The following HHLA1 variants were observed in gnomAD, a reference collection of about 807,000 sequenced individuals.
HHLA1 encodes the protein HHLA1 neighbor of OC90.
A neutral mutation model predicts 69.9 loss-of-function variants in HHLA1; 72 were observed. That is an observed-to-expected ratio of 1.03 (90% CI 0.85 to 1.25). The LOEUF (loss-of-function observed/expected upper bound fraction) is 1.25. Ranked by LOEUF, HHLA1 falls within the 50% of genes most tolerant of loss-of-function variation. HHLA1 has a pLI of 0.00. For missense variants in HHLA1, 685 were observed against 642.2 expected, an observed-to-expected ratio of 1.07 and a Z score of -0.72; for synonymous variants, 252 against 233.2, an observed-to-expected ratio of 1.08 and a Z score of -0.73.
At chr8:132,070,170 C>T (rs1406301381) in intron 15 of HHLA1, 1 of 569,540 alleles carries the variant, frequency 1.8e-6, no homozygotes, top group Non-Finnish European at 3.1e-6. Flanking sequence ...AGATTGGTAT[C>T]CAGGCCACTG....
At chr8:132,090,688 T>C (rs540037210) in intron 7 of HHLA1, among the ~76,000 whole-genome samples, 2 of 151,796 alleles carry the variant, frequency 1.3e-5, no homozygotes, top group African/African-American at 2.4e-5. Context: ...GTATGTAGTA[T>C]ACCTATGCAG....
intron 7 of HHLA1, among the ~76,000 whole-genome samples, chr8:132,091,082 C>G (rs1823939681): frequency 1.3e-5 from 2 of 152,130 alleles, no homozygotes; most frequent in South Asian, 4.1e-4. Context: ...GGTATTATCT[C>G]TTAGTTATTC....
chr8:132,071,954 A>C (rs1389743132), intron 14 of HHLA1, among the ~76,000 whole-genome samples: 1 of 152,002 alleles, frequency 6.6e-6, no homozygotes, highest in Non-Finnish European at 1.5e-5. Context: ...ATGTATGTGC[A>C]TGCATGTGAG....
At chr8:132,103,335 C>T (rs192539463) in intron 3 of HHLA1, among the ~76,000 whole-genome samples, 6 of 152,098 alleles carry the variant, frequency 3.9e-5, no homozygotes, top group Non-Finnish European at 2.9e-5. Context: ...ATATAAAAAT[C>T]GTCCAGGTCT....
intron 2 of HHLA1, among the ~76,000 whole-genome samples, chr8:132,104,381 C>T (rs895299941): frequency 5.9e-5 from 9 of 151,964 alleles, no homozygotes; most frequent in East Asian, 1.9e-4. Context: ...TATTGAGTGC[C>T]GAGTGTTTGC....
At chr8:132,087,483 C>A (rs1001162068) in intron 10 of HHLA1, among the ~76,000 whole-genome samples, 170 bp downstream of exon 10, 2 of 152,084 alleles carry the variant, frequency 1.3e-5, no homozygotes, top group African/African-American at 4.8e-5. Context: ...AATTGCCAGA[C>A]CTTTTGCAAG....
At chr8:132,092,258 A>G (rs940364732) in intron 7 of HHLA1, among the ~76,000 whole-genome samples, 1 of 152,240 alleles carries the variant, frequency 6.6e-6, no homozygotes, top group South Asian at 2.1e-4. Context: ...AGCAACGACT[A>G]TAATTTCAAG....
chr8:132,094,229 C>A (rs1823986580), intron 7 of HHLA1, among the ~76,000 whole-genome samples: 1 of 152,094 alleles, frequency 6.6e-6, no homozygotes. Flanking sequence ...GTACAAGAGG[C>A]TTTGGTTGCC....
intron 10 of HHLA1, chr8:132,081,193 A>C (rs1271584496): frequency 1.3e-5 from 2 of 152,202 alleles, no homozygotes; most frequent in Non-Finnish European, 2.9e-5. Context: ...AGAGCAGGGC[A>C]TGTATGAGTA....
At chr8:132,079,671 G>A in intron 11 of HHLA1, 47 bp downstream of exon 11, 6 of 1,489,178 alleles carry the variant, frequency 4.0e-6, no homozygotes, top group Non-Finnish European at 5.4e-6. Context: ...AGAGGTAACA[G>A]GAGCGAGACA....
intron 15 of HHLA1, chr8:132,070,011 C>CAGGGGGGGGGGG (rs1823503779): frequency 4.1e-5 from 1 of 24,158 alleles, no homozygotes; most frequent in Admixed American, 4.5e-4. Flanking sequence ...TTCGTACTGA[C>CAGGGGGGGGGGG]GGGGGGGGGG....
At chr8:132,081,581 T>G (rs1016085865) in intron 10 of HHLA1, among the ~76,000 whole-genome samples, 31 of 152,168 alleles carry the variant, frequency 2.0e-4, no homozygotes, top group Admixed American at 3.9e-4. Context: ...TGTATTGAGG[T>G]GGGAAGGCTT....
rs879478994 is a variant in HHLA1, at chr8:132,077,833, G to A, written c.1064C>T (p.Pro355Leu). The change falls in exon 12 of 17, where the codon CCG (proline) becomes CTG (leucine). Residue 355 changes from proline to leucine, a missense_variant. Transcript: ENST00000414222. ...GSLWETRSSPPTTAGTEEAMN... is the reference protein window; with the variant it reads ...GSLWETRSSPLTTAGTEEAMN... ...GGCTTCCTCGGTCCCTGCAGTAGTC[G>A]GTGGGGAAGAACGAGTTTCCCAGAG... is the stretch of plus-strand genomic sequence containing the variant. 2.3e-5 allele frequency: 35 copies of A among 1,551,406 alleles called. No individual in the cohort carries two copies. The highest frequency in any genetic ancestry group is 5.9e-5 in the South Asian group (5 of 84,048).
In HHLA1 at chr8:132,089,568, G is replaced by T; in HGVS notation, c.480C>A (p.Gly160=). ...TCTCTGTGAGGTAGCTGGTAGAATT[G>T]CCGATGATATCTACCAGTAGAGCTG... The part of the protein sequence containing the change: ...DFTALLVDII[G]NSTSYLTEIF... The change falls in exon 8 of 17, where the codon GGC becomes GGA. Residue 160 remains glycine, a synonymous_variant. Coordinates refer to ENST00000414222, the MANE Select transcript of HHLA1 (RefSeq NM_001145095.3). The T allele has an allele frequency of 6.6e-7, 1 of 1,522,966 alleles. No homozygotes were observed. Among genetic ancestry groups the T allele is most frequent in the African/African-American group, 1.4e-5 (1 of 72,556 alleles). The allele number at this position is 1,522,966 out of a possible 1,614,324, so 94.3% of individuals were successfully genotyped here. A position where few individuals can be genotyped will look rare whatever the true frequency, so the allele number is the denominator to read the frequency against.
chr8:132,076,187 A>G, intron 13 of HHLA1, 58 bp from the exon 14 acceptor site: 1 of 1,175,800 alleles, frequency 8.5e-7, no homozygotes, highest in South Asian at 1.3e-5. Flanking sequence ...TAGGTGATAC[A>G]CACAGCAAGA....
chr8:132,100,187 C>T, intron 3 of HHLA1, 53 bp from the exon 4 acceptor site: 1 of 1,341,088 alleles, frequency 7.5e-7, no homozygotes, highest in Non-Finnish European at 1.0e-6. Context: ...AGTTCCTACC[C>T]CCAGGAATGG....
intron 16 of HHLA1, 61 bp from the exon 17 acceptor site, chr8:132,064,099 A>G (rs1291863257): frequency 2.7e-6 from 3 of 1,114,718 alleles, no homozygotes; most frequent in Non-Finnish European, 3.6e-6. Context: ...CTGTAGAGAC[A>G]TAAATTAAAC....
intron 16 of HHLA1, among the ~76,000 whole-genome samples, chr8:132,064,854 C>G (rs1466941310): frequency 6.6e-6 from 1 of 152,152 alleles, no homozygotes; most frequent in Non-Finnish European, 1.5e-5. Context: ...ACATGGATCC[C>G]AGGGATCCCA....
At position 132,087,830 on chromosome 8, in the gene HHLA1, T is replaced by C. The variant is rs901289002; in HGVS notation, c.589+15A>G. On this transcript the variant is annotated intron_variant, in intron 9 of 16. Coordinates refer to ENST00000414222, the MANE Select transcript of HHLA1 (RefSeq NM_001145095.3). ...TCAGCCCAGAGAGCTTGTCAAAGAA[T>C]GTCTAGTGGTTTACCTGACTTTCCT... is the stretch of plus-strand genomic sequence containing the variant. 3 of 1,550,098 alleles carry C rather than the reference T, an allele frequency of 1.9e-6. No homozygotes were observed. Among genetic ancestry groups the C allele is most frequent in the Non-Finnish European group, 2.6e-6 (3 of 1,145,404 alleles).
Sources: allele counts gnomAD v4.1 joint callset (sites outside exome capture counted in the v4.1 genomes callset), GRCh38; gene constraint gnomAD v4.1.1; transcripts MANE v1.5; gene names NCBI Gene and HGNC (gene_info 2026-07-23, HGNC 2026-07-21).